Variants in ST8SIA5 observed in about 807,000 individuals in gnomAD.
ST8SIA5 encodes the protein ST8 alpha-N-acetyl-neuraminide alpha-2,8-sialyltransferase 5.
A neutral mutation model predicts 40.2 loss-of-function variants in ST8SIA5; 24 were observed. The ratio of observed to expected loss-of-function variants is 0.60; its 90% confidence interval spans 0.43 to 0.84. ST8SIA5 has a LOEUF of 0.84. Among genes scored for constraint, ST8SIA5 ranks in the 40% least tolerant of loss-of-function variants. The pLI, the probability that ST8SIA5 is intolerant of heterozygous loss-of-function variation, is 0.00. For synonymous variants in ST8SIA5, 198 were observed against 201.8 expected, an observed-to-expected ratio of 0.98 and a Z score of 0.16; for missense variants, 465 against 498.5, an observed-to-expected ratio of 0.93 and a Z score of 0.64.
chr18:46,734,061 G>A (rs2040010387), intron 1 of ST8SIA5, among the ~76,000 whole-genome samples: 1 of 152,106 alleles, frequency 6.6e-6, no homozygotes. Context: ...CAGGTAAGGA[G>A]ATGGGCCCCT....
chr18:46,727,627 C>A (rs1002273550), intron 1 of ST8SIA5, among the ~76,000 whole-genome samples: 1 of 152,122 alleles, frequency 6.6e-6, no homozygotes, highest in African/African-American at 2.4e-5. Context: ...TATTTCAAAT[C>A]CTCCCAAAAG....
intron 1 of ST8SIA5, among the ~76,000 whole-genome samples, chr18:46,720,493 T>C (rs2039850994): frequency 6.6e-6 from 1 of 152,140 alleles, no homozygotes; most frequent in Admixed American, 6.5e-5. Context: ...AAGCATTGAA[T>C]AAAAACATAC....
At chr18:46,725,973 AT>A (rs562417103) in intron 1 of ST8SIA5, among the ~76,000 whole-genome samples, 4,278 of 24,420 alleles carry the variant, frequency 0.18, 468 homozygotes, top group Admixed American at 0.33. Flanking sequence ...AAAAAAAAAA[AT>A]ATATATATAT....
chr18:46,724,695 C>A (rs573873966), intron 1 of ST8SIA5, among the ~76,000 whole-genome samples: 82 of 152,214 alleles, frequency 5.4e-4, no homozygotes, highest in African/African-American at 2.0e-3. Context: ...ATGATCGGGC[C>A]AAGCATGGTG....
At chr18:46,717,933 AC>A (rs1467120230) in intron 1 of ST8SIA5, among the ~76,000 whole-genome samples, 1 of 152,176 alleles carries the variant, frequency 6.6e-6, no homozygotes, top group Non-Finnish European at 1.5e-5. Context: ...ATGCACAACA[AC>A]TGTCTTACTG....
At chr18:46,683,138 TGAGA>T (rs1411201892) in intron 5 of ST8SIA5, among the ~76,000 whole-genome samples, 2 of 152,126 alleles carry the variant, frequency 1.3e-5, no homozygotes, top group Admixed American at 1.3e-4. Flanking sequence ...TTTTTAACAA[TGAGA>T]GAATGATTAA....
intron 1 of ST8SIA5, among the ~76,000 whole-genome samples, chr18:46,720,190 AGTAGGGAG>A (rs1468142433): frequency 1.3e-5 from 2 of 152,166 alleles, no homozygotes; most frequent in Non-Finnish European, 2.9e-5. Flanking sequence ...CCAGGAGTCC[AGTAGGGAG>A]GTACACACTT....
intron 1 of ST8SIA5, among the ~76,000 whole-genome samples, chr18:46,754,203 A>G (rs941961504): frequency 6.6e-5 from 10 of 152,120 alleles, no homozygotes; most frequent in Non-Finnish European, 1.2e-4. Flanking sequence ...CAGTGTAGGT[A>G]GGGTCAGGTG....
intron 1 of ST8SIA5, 34 bp downstream of exon 1, chr18:46,756,344 C>G: frequency 6.2e-7 from 1 of 1,603,576 alleles, no homozygotes; most frequent in East Asian, 2.3e-5. Context: ...CCGGCCGGCT[C>G]CGCGCATCCC....
At chr18:46,709,822 T>G (rs371461964) in intron 1 of ST8SIA5, among the ~76,000 whole-genome samples, 1 of 152,200 alleles carries the variant, frequency 6.6e-6, no homozygotes, top group African/African-American at 2.4e-5. Flanking sequence ...CTTTTCTGTG[T>G]TTTTATAAGT....
At chr18:46,751,976 C>T (rs1192397160) in intron 1 of ST8SIA5, among the ~76,000 whole-genome samples, 2 of 152,130 alleles carry the variant, frequency 1.3e-5, no homozygotes, top group Non-Finnish European at 2.9e-5. Flanking sequence ...TGTCACCCTC[C>T]CCGCTCCCTC....
rs1376522180 is a variant in ST8SIA5 at position 46,680,144 on chromosome 18, C to T, written c.1029G>A (p.Pro343=). ...ITHHYYDNVK[P]RPGFHAMPSE... is the part of the protein sequence containing the mutation. ...AGGGCATGGCGTGGAAGCCGGGACG[C>T]GGCTTGACGTTGTCATAGTAGTGGT... Residue 343 remains proline, a synonymous_variant, in exon 7 of 7, where the codon CCG becomes CCA. Transcript: ENST00000315087. 1.9e-6 allele frequency: 3 copies of T among 1,614,208 alleles called. No individual in the cohort carries two copies. The highest frequency in any genetic ancestry group is 1.7e-6 in the Non-Finnish European group (2 of 1,180,040).
intron 1 of ST8SIA5, 25 bp downstream of exon 1, chr18:46,756,331 TCGCCGGCCGGCTCCGCGCATCC>T: frequency 6.3e-7 from 1 of 1,598,782 alleles, no homozygotes; most frequent in Non-Finnish European, 8.5e-7. Flanking sequence ...ACCCGGGGGC[TCGCCGGCCGGCTCCGCGCATCC>T]CGCCCTCTCA....
chr18:46,736,027 A>C (rs2040030643), intron 1 of ST8SIA5, among the ~76,000 whole-genome samples: 1 of 152,248 alleles, frequency 6.6e-6, no homozygotes, highest in South Asian at 2.1e-4. Context: ...ATTCTCAAAA[A>C]GATTTTTTTA....
intron 1 of ST8SIA5, among the ~76,000 whole-genome samples, chr18:46,740,524 A>AT (rs2012695262): frequency 6.6e-6 from 1 of 151,870 alleles, no homozygotes; most frequent in African/African-American, 2.4e-5. Context: ...AGACATGCAA[A>AT]TTTAAAAAAA....
intron 5 of ST8SIA5, among the ~76,000 whole-genome samples, chr18:46,685,262 T>C (rs11082549): frequency 0.097 from 14,823 of 152,182 alleles, 938 homozygotes; most frequent in East Asian, 0.35. Flanking sequence ...GAGGCTTTCC[T>C]TGCCTTTCCT....
chr18:46,724,697 A>G (rs542892576), intron 1 of ST8SIA5, among the ~76,000 whole-genome samples: 1 of 152,172 alleles, frequency 6.6e-6, no homozygotes, highest in Admixed American at 6.5e-5. Context: ...GATCGGGCCA[A>G]GCATGGTGGC....
intron 1 of ST8SIA5, among the ~76,000 whole-genome samples, chr18:46,752,425 T>C (rs559891477): frequency 6.6e-6 from 1 of 152,318 alleles, no homozygotes; most frequent in East Asian, 1.9e-4. Context: ...AAAACAGACA[T>C]GGAGAAGCCA....
At chr18:46,710,028 GA>G (rs2039707075) in intron 1 of ST8SIA5, among the ~76,000 whole-genome samples, 1 of 152,150 alleles carries the variant, frequency 6.6e-6, no homozygotes, top group Non-Finnish European at 1.5e-5. Flanking sequence ...TTCAATGCTA[GA>G]AAGACTATCT....
Sources: allele counts gnomAD v4.1 joint callset (sites outside exome capture counted in the v4.1 genomes callset), GRCh38; gene constraint gnomAD v4.1.1; transcripts MANE v1.5; gene names NCBI Gene and HGNC (gene_info 2026-07-23, HGNC 2026-07-21).